ABCC8: variants seen among roughly 807,000 people sequenced by gnomAD.
ABCC8 encodes the protein ATP binding cassette subfamily C member 8.
Under a neutral mutation model 188.0 loss-of-function variants are expected in ABCC8, and 137 were observed. The ratio of observed to expected loss-of-function variants is 0.73; its 90% CI spans 0.63 to 0.84. The LOEUF (loss-of-function observed/expected upper bound fraction) is 0.84. ABCC8 is among the 40% of genes least tolerant of loss of function. The pLI is 0.00. For missense variants in ABCC8, 1,750 were observed against 2,072.7 expected (o/e 0.84, Z 3.02); for synonymous variants, 797 against 846.5 (o/e 0.94, Z 1.01).
At chr11:17,467,649 T>C (rs1387046520) in intron 3 of ABCC8, among the ~76,000 whole-genome samples, 1 of 152,206 alleles carries the variant, frequency 6.6e-6, no homozygotes, top group Non-Finnish European at 1.5e-5. Flanking sequence ...CACGGGACAA[T>C]GTAAGCTGCA....
chr11:17,408,612 A>T lies in ABCC8; in HGVS notation c.2695-95T>A, dbSNP rs997420190. On this transcript the variant is annotated intron_variant, in intron 22 of 38. Coordinates refer to ENST00000389817, the MANE Select transcript of ABCC8 (RefSeq NM_000352.6). Reference sequence around the variant, plus strand: ...TGGAGTCTAAGATGGAGGTTGACACATCCCTTTCCTCACTACAAATGGCCA... The same window carrying T: ...TGGAGTCTAAGATGGAGGTTGACACTTCCCTTTCCTCACTACAAATGGCCA... The T allele has an allele frequency of 6.9e-5, 105 of 1,518,578 alleles. 1 individual carries two copies. Among genetic ancestry groups the T allele is most frequent in the South Asian group, 6.4e-4 (50 of 78,646 alleles). The allele number at this position is 1,518,578 out of a possible 1,614,324, so 94.1% of individuals were successfully genotyped here. A position where few individuals can be genotyped will look rare whatever the true frequency, so the allele number is the denominator to read the frequency against.
chr11:17,476,048 G>A (rs1176589995), intron 1 of ABCC8, among the ~76,000 whole-genome samples: 1 of 152,216 alleles, frequency 6.6e-6, no homozygotes, highest in Admixed American at 6.5e-5. Context: ...GGGTGGGGTG[G>A]CGGGGGAAGG....
chr11:17,425,873 C>T (rs531975810), intron 16 of ABCC8, among the ~76,000 whole-genome samples: 1 of 129,092 alleles, frequency 7.7e-6, no homozygotes, highest in East Asian at 2.4e-4. Context: ...GTGTGATGTT[C>T]CCCTCCCTGT....
intron 2 of ABCC8, among the ~76,000 whole-genome samples, chr11:17,472,611 C>T (rs992311175): frequency 9.2e-5 from 14 of 152,170 alleles, no homozygotes; most frequent in African/African-American, 3.4e-4. Context: ...GCCCCTCACT[C>T]AGGCCTGGGG....
Position 17,407,432 on chromosome 11 carries a change from C to T in ABCC8, c.2842G>A (p.Ala948Thr). 6.2e-7 allele frequency: 1 copy of T among 1,614,160 alleles called. No homozygotes were observed. Among genetic ancestry groups the T allele is most frequent in the Non-Finnish European group, 8.5e-7 (1 of 1,180,042 alleles). ...GATAGGCCCTGGGGTGGCTCTGTGG[C>T]TTTTCTCTCTGTGACAGTCTCCTAA... The part of the protein sequence containing the change: ...LEKETVTERK[A>T]TEPPQGLSRA... Residue 948 changes from alanine (A) to threonine (T), a missense_variant, in exon 24 of 39, where the codon GCC becomes ACC. Transcript: ENST00000389817.
intron 2 of ABCC8, among the ~76,000 whole-genome samples, chr11:17,474,197 A>C (rs750827676): frequency 7.9e-5 from 12 of 152,172 alleles, no homozygotes; most frequent in Non-Finnish European, 1.8e-4. Flanking sequence ...TCTCCTAAGG[A>C]CCCAATAAAT....
intron 6 of ABCC8, 175 bp from the exon 7 acceptor site, chr11:17,453,458 G>A (rs1368364676): frequency 2.6e-5 from 10 of 382,706 alleles, no homozygotes; most frequent in South Asian, 2.2e-4. Flanking sequence ...CCAACTAAAC[G>A]TTTTTCTAAC....
intron 2 of ABCC8, among the ~76,000 whole-genome samples, chr11:17,473,877 A>G (rs1260008164): frequency 6.6e-6 from 1 of 152,136 alleles, no homozygotes; most frequent in Non-Finnish European, 1.5e-5. Flanking sequence ...CGACCCAAAC[A>G]TGCAGGCTGG....
Position 17,434,840 on chromosome 11 carries a change from C to T in ABCC8, c.1631-2596G>A, listed in dbSNP as rs147494746. Among the ~76,000 whole-genome samples the T allele has an allele frequency of 1.6e-3, 243 of 152,242 alleles. 1 individual carries two copies. Among genetic ancestry groups the T allele is most frequent in the Non-Finnish European group, 1.1e-3 (77 of 68,022 alleles). ...ATAATTAGCTTCTGCCCAGTTCTGGCTGTTGTATGGAGACGCTAAAGAATG... is the reference window on the plus strand; with the variant it reads ...ATAATTAGCTTCTGCCCAGTTCTGGTTGTTGTATGGAGACGCTAAAGAATG... On this transcript the variant is annotated intron_variant, in intron 10 of 38. Transcript: ENST00000389817.
At chr11:17,425,972 G>C (rs548395226) in intron 16 of ABCC8, among the ~76,000 whole-genome samples, 1 of 152,238 alleles carries the variant, frequency 6.6e-6, no homozygotes, top group East Asian at 1.9e-4. Flanking sequence ...TGCTGAGAAT[G>C]ATAGTTTCCA....
intron 33 of ABCC8, 141 bp from the exon 34 acceptor site, chr11:17,396,071 G>C (rs1953912268): frequency 6.6e-7 from 1 of 1,505,860 alleles, no homozygotes; most frequent in African/African-American, 1.4e-5. Context: ...TTTCTCTTTG[G>C]ACACCACAGG....
At chr11:17,469,722 A>G (rs1359833857) in intron 3 of ABCC8, among the ~76,000 whole-genome samples, 1 of 152,200 alleles carries the variant, frequency 6.6e-6, no homozygotes, top group Non-Finnish European at 1.5e-5. Context: ...TGCCAAATCT[A>G]TCCCTATCAG....
chr11:17,409,190 C>T (rs1368966677), intron 22 of ABCC8, among the ~76,000 whole-genome samples: 1 of 151,708 alleles, frequency 6.6e-6, no homozygotes, highest in Non-Finnish European at 1.5e-5. Flanking sequence ...CTCCTGGGCT[C>T]AAGCAATCCA....
chr11:17,446,720 ATGGCATATATGACTGT>A (rs1487771653), intron 8 of ABCC8, among the ~76,000 whole-genome samples: 1 of 151,998 alleles, frequency 6.6e-6, no homozygotes, highest in Admixed American at 6.5e-5. Context: ...GTAATGGGGG[ATGGCATATATGACTGT>A]TCCCATAAAA....
At chr11:17,471,513 C>T (rs181271809) in intron 2 of ABCC8, among the ~76,000 whole-genome samples, 16 of 152,342 alleles carry the variant, frequency 1.1e-4, no homozygotes, top group Admixed American at 1.0e-3. Context: ...CACAGGTTTG[C>T]TCCAGCAGCA....
intron 10 of ABCC8, among the ~76,000 whole-genome samples, chr11:17,433,723 G>C (rs1250233313): frequency 6.6e-6 from 1 of 152,238 alleles, no homozygotes; most frequent in Non-Finnish European, 1.5e-5. Context: ...TGATGGGGAA[G>C]GCAAGGCTCC....
chr11:17,400,150 C>T (rs1463678142), intron 29 of ABCC8, among the ~76,000 whole-genome samples: 2 of 152,182 alleles, frequency 1.3e-5, no homozygotes, highest in Non-Finnish European at 2.9e-5. Flanking sequence ...CTTTGATTGT[C>T]TCTGCGTGGA....
chr11:17,455,034 A>G (rs1279887457), intron 6 of ABCC8, among the ~76,000 whole-genome samples: 2 of 152,200 alleles, frequency 1.3e-5, no homozygotes, highest in African/African-American at 4.8e-5. Flanking sequence ...TGGAGACTGG[A>G]GTCCACTATT....
At chr11:17,455,264 A>G (rs1956950080) in intron 6 of ABCC8, among the ~76,000 whole-genome samples, 1 of 152,188 alleles carries the variant, frequency 6.6e-6, no homozygotes, top group African/African-American at 2.4e-5. Flanking sequence ...CTGGAGAAAC[A>G]TGGAATGCCA....
Sources: gnomAD v4.1 joint callset for allele counts (sites outside exome capture counted in the v4.1 genomes callset) on GRCh38, gnomAD v4.1.1 for gene constraint, MANE v1.5 for transcripts, NCBI Gene and HGNC (gene_info 2026-07-23, HGNC 2026-07-21) for gene names.